Variants in LAMA2 observed in about 807,000 individuals in gnomAD.
LAMA2 encodes the protein laminin subunit alpha 2, also known as laminin subunit alpha-2.
LAMA2 carries 269 observed loss-of-function variants against 364.8 expected under a neutral mutation model. The observed-to-expected ratio is 0.74, with a 90% CI of 0.67 to 0.82. The LOEUF (loss-of-function observed/expected upper bound fraction) is 0.82, where lower values mean the gene tolerates loss of function less well. LAMA2 is among the 40% of genes least tolerant of loss of function. The probability of loss-of-function intolerance (pLI) is 0.00; values close to 1 mark genes in which losing one functional copy is unlikely to be tolerated. For synonymous variants in LAMA2, 1,379 were observed against 1,370.6 expected (o/e 1.01, Z -0.14); for missense variants, 3,807 against 3,873.2 (o/e 0.98, Z 0.45).
intron 17 of LAMA2, among the ~76,000 whole-genome samples, chr6:129,278,440 T>A (rs1245750231): frequency 6.6e-6 from 1 of 152,164 alleles, no homozygotes; most frequent in Non-Finnish European, 1.5e-5. Flanking sequence ...GCTACAGAGA[T>A]GCAGTTCTCA....
chr6:129,270,427 G>A (rs548630192), intron 16 of LAMA2, among the ~76,000 whole-genome samples, 197 bp from the exon 17 acceptor site: 3 of 152,180 alleles, frequency 2.0e-5, no homozygotes, highest in African/African-American at 7.2e-5. Context: ...TGCATATGCT[G>A]AAACTACTGT....
At chr6:129,480,553 GTGAATGAATGAA>G (rs201815731) in intron 54 of LAMA2, among the ~76,000 whole-genome samples, 7 of 152,078 alleles carry the variant, frequency 4.6e-5, no homozygotes, top group Non-Finnish European at 1.0e-4. Context: ...TTGTGAAAGA[GTGAATGAATGAA>G]TGAATGAATG....
At chr6:129,007,157 G>C (rs1364365677) in intron 1 of LAMA2, among the ~76,000 whole-genome samples, 1 of 152,162 alleles carries the variant, frequency 6.6e-6, no homozygotes, top group South Asian at 2.1e-4. Context: ...GGGCCAAGGA[G>C]ACTTGTCTCT....
chr6:128,938,960 T>C (rs1779998258), intron 1 of LAMA2, among the ~76,000 whole-genome samples: 1 of 152,216 alleles, frequency 6.6e-6, no homozygotes, highest in South Asian at 2.1e-4. Flanking sequence ...AAAATTTCAA[T>C]ACTTTCCACT....
intron 52 of LAMA2, among the ~76,000 whole-genome samples, chr6:129,474,268 G>A (rs903376001): frequency 1.6e-4 from 25 of 152,052 alleles, no homozygotes; most frequent in African/African-American, 5.8e-4. Flanking sequence ...ATTTCTAAAC[G>A]AGCAGTGAAA....
chr6:129,131,843 C>A (rs900950058), intron 4 of LAMA2, among the ~76,000 whole-genome samples: 1 of 152,184 alleles, frequency 6.6e-6, no homozygotes, highest in Non-Finnish European at 1.5e-5. Context: ...TAAATGATAT[C>A]TCACCATCTG....
chr6:129,131,295 CA>C (rs1195381098), intron 4 of LAMA2, among the ~76,000 whole-genome samples: 1 of 152,178 alleles, frequency 6.6e-6, no homozygotes, highest in Non-Finnish European at 1.5e-5. Flanking sequence ...CAATAATGAT[CA>C]GTGACTTCTC....
At chr6:129,286,699 ATATAATAATATATAATATAT>A (rs1789202082) in intron 18 of LAMA2, among the ~76,000 whole-genome samples, 1 of 30,840 alleles carries the variant, frequency 3.2e-5, no homozygotes, top group East Asian at 9.2e-4. Flanking sequence ...TATATAATAT[ATATAATAATATATAATATAT>A]TATATAATAT....
chr6:128,886,482 G>A (rs1269977892), intron 1 of LAMA2, among the ~76,000 whole-genome samples: 1 of 152,178 alleles, frequency 6.6e-6, no homozygotes, highest in Non-Finnish European at 1.5e-5. Flanking sequence ...AAGCACATAG[G>A]TCTGTTGCTT....
At position 129,516,313 on chromosome 6, in the gene LAMA2, G is replaced by A. The variant is rs1196695307; in HGVS notation, c.9335G>A (p.Arg3112Lys). 1.2e-6 allele frequency: 2 copies of A among 1,614,070 alleles called. No homozygotes were observed. The highest frequency in any genetic ancestry group is 2.2e-5 in the East Asian group (1 of 44,842). ...AATTTTGCCAAGGCCCTGGAACTGA[G>A]GGGCGTTCAACCTGTATCATGCCCA... ...EVNFAKALEL[R>K]GVQPVSCPAN Residue 3112 changes from arginine (R) to lysine (K), a missense_variant, in exon 65 of 65, where the codon AGG (arginine) becomes AAG (lysine). Physicochemically the swap from Arg to Lys is conservative, Grantham distance 26 (BLOSUM62 2). This residue lies in a region of LAMA2 where 3,333 missense variants were observed against 3,345.7 expected (regional missense o/e 1.00). Coordinates refer to ENST00000421865, the MANE Select transcript of LAMA2 (RefSeq NM_000426.4).
At chr6:129,429,244 A>G (rs966728710) in intron 41 of LAMA2, among the ~76,000 whole-genome samples, 1 of 152,208 alleles carries the variant, frequency 6.6e-6, no homozygotes. Flanking sequence ...TTAATATTCC[A>G]TCTTCTTTTA....
intron 46 of LAMA2, among the ~76,000 whole-genome samples, chr6:129,453,486 C>A (rs977446977): frequency 1.3e-5 from 2 of 152,054 alleles, no homozygotes; most frequent in African/African-American, 4.8e-5. Flanking sequence ...AACTAAATTA[C>A]AATAAACTCT....
At chr6:129,339,849 G>A (rs2501468) in intron 29 of LAMA2, among the ~76,000 whole-genome samples, 125,289 of 151,940 alleles carry the variant, frequency 0.82, 51,766 homozygotes, top group Admixed American at 0.87. Flanking sequence ...CTGAAAATAC[G>A]AAAATTAACT....
chr6:129,475,441 G>T (rs760620833), intron 53 of LAMA2, 40 bp downstream of exon 53: 5 of 1,531,346 alleles, frequency 3.3e-6, no homozygotes, highest in Middle Eastern at 1.7e-4. Flanking sequence ...CGAGTGCATG[G>T]GTTGGGTAAA....
chr6:129,359,703 G>A (rs1427721708), intron 32 of LAMA2, among the ~76,000 whole-genome samples: 1 of 131,856 alleles, frequency 7.6e-6, no homozygotes, highest in Non-Finnish European at 1.6e-5. Flanking sequence ...ATTCCTATTT[G>A]ATTAGAGCAG....
chr6:129,347,942 C>T lies in LAMA2; in HGVS notation c.4437-1356C>T, dbSNP rs189247299. On this transcript the variant is annotated intron_variant, in intron 30 of 64. Coordinates refer to ENST00000421865, the MANE Select transcript of LAMA2 (RefSeq NM_000426.4). Reference sequence around the variant, plus strand: ...TTGACATTTCATTATTTTACTATAACGAAATGTAATTTAATCATACTGGCT... The same window carrying T: ...TTGACATTTCATTATTTTACTATAATGAAATGTAATTTAATCATACTGGCT... Among the ~76,000 whole-genome samples, 65 of 152,196 alleles carry T rather than the reference C, an allele frequency of 4.3e-4. No individual in the cohort carries two copies. In the East Asian group the frequency reaches 7.9e-3, roughly 19 times the overall value.
intron 1 of LAMA2, among the ~76,000 whole-genome samples, chr6:128,917,082 C>T (rs1159632745): frequency 6.6e-6 from 1 of 151,740 alleles, no homozygotes; most frequent in East Asian, 1.9e-4. Context: ...TCTCTTTGTG[C>T]TGGCTTTCTT....
intron 9 of LAMA2, among the ~76,000 whole-genome samples, chr6:129,165,957 A>G (rs1239073575): frequency 1.3e-5 from 2 of 152,086 alleles, no homozygotes; most frequent in African/African-American, 4.8e-5. Context: ...GAGAGAGTCA[A>G]TCACAAATCT....
At chr6:129,468,729 C>G (rs1327867383) in intron 51 of LAMA2, among the ~76,000 whole-genome samples, 1 of 151,922 alleles carries the variant, frequency 6.6e-6, no homozygotes, top group Non-Finnish European at 1.5e-5. Flanking sequence ...TTACTACCTG[C>G]TTTGATAAGA....
Sources: gnomAD v4.1 joint callset for allele counts (sites outside exome capture counted in the v4.1 genomes callset) on GRCh38, gnomAD v4.1.1 for gene constraint, gnomAD v4.1.1 regional missense constraint, MANE v1.5 for transcripts, NCBI Gene and HGNC (gene_info 2026-07-23, HGNC 2026-07-21) for gene names.